Variants in PRLR observed in about 807,000 individuals in gnomAD.
PRLR encodes prolactin receptor, also known as hPRL receptor.
PRLR carries 13 observed loss-of-function variants against 40.2 expected under a neutral mutation model. The ratio of observed to expected loss-of-function variants is 0.32; its 90% CI spans 0.21 to 0.51. The LOEUF (loss-of-function observed/expected upper bound fraction) is 0.51, where lower values mean the gene tolerates loss of function less well. PRLR is among the 20% of genes least tolerant of loss of function. The pLI is 0.97. For synonymous variants in PRLR, 269 were observed against 278.7 expected, an observed-to-expected ratio of 0.97 and a Z score of 0.35; for missense variants, 656 against 747.3, an observed-to-expected ratio of 0.88 and a Z score of 1.42.
intron 8 of PRLR, chr5:35,049,551 A>G: frequency 1.7e-6 from 1 of 597,066 alleles, no homozygotes; most frequent in South Asian, 2.1e-5. Context: ...ACTCAAGCCT[A>G]GAATTGCATA....
At chr5:35,215,952 C>A (rs1454039157) in intron 1 of PRLR, among the ~76,000 whole-genome samples, 1 of 150,234 alleles carries the variant, frequency 6.7e-6, no homozygotes, top group Admixed American at 6.7e-5. Flanking sequence ...GCAAGAGAAT[C>A]GCTTGAACGC....
At chr5:35,052,287 T>C (rs1334152599), downstream of PRLR, among the ~76,000 whole-genome samples, 1 of 152,192 alleles carries the variant, frequency 6.6e-6, no homozygotes, top group Non-Finnish European at 1.5e-5. Context: ...AACCTTAAAA[T>C]ATACTCTCTA....
intron 5 of PRLR, among the ~76,000 whole-genome samples, chr5:35,075,367 CA>C (rs1349999094): frequency 6.6e-6 from 1 of 152,220 alleles, no homozygotes; most frequent in African/African-American, 2.4e-5. Context: ...ACAGTCTTAG[CA>C]AATGGCATAC....
chr5:35,084,399 C>A, intron 5 of PRLR, 71 bp downstream of exon 5: 1 of 1,411,582 alleles, frequency 7.1e-7, no homozygotes, highest in Non-Finnish European at 9.4e-7. Context: ...CAAGAAGACT[C>A]AAACTGAGTG....
At chr5:35,222,875 A>G (rs773100708) in intron 1 of PRLR, among the ~76,000 whole-genome samples, 12 of 152,234 alleles carry the variant, frequency 7.9e-5, no homozygotes, top group Non-Finnish European at 1.8e-4. Flanking sequence ...AGGTGAGGGA[A>G]GATTGCAGAT....
chr5:35,164,737 G>A (rs1774771546), intron 1 of PRLR, among the ~76,000 whole-genome samples: 2 of 151,904 alleles, frequency 1.3e-5, no homozygotes, highest in South Asian at 4.2e-4. Flanking sequence ...AGAGACAATG[G>A]AAAAAAAATA....
chr5:35,164,276 C>T lies in PRLR; in HGVS notation c.-105-46154G>A, dbSNP rs550710562. 2.0e-4 allele frequency among the ~76,000 whole-genome samples: 30 copies of T among 152,190 alleles called. No individual in the cohort carries two copies. In the East Asian group the frequency reaches 5.6e-3, roughly 28 times the overall value. On this transcript the variant is annotated intron_variant, in intron 1 of 9. Transcript: ENST00000618457. The stretch of plus-strand genomic sequence containing the variant: ...CTTACAATCTAGTGGAGGACACAGG[C>T]AAGAAACAAGTAAACCTGATGACAA...
At chr5:35,137,699 G>C (rs1773901314) in intron 1 of PRLR, among the ~76,000 whole-genome samples, 1 of 152,226 alleles carries the variant, frequency 6.6e-6, no homozygotes, top group Non-Finnish European at 1.5e-5. Context: ...AAGAGATATG[G>C]AAATGACACT....
At chr5:35,085,191 G>T (rs897728736) in intron 4 of PRLR, among the ~76,000 whole-genome samples, 1 of 152,182 alleles carries the variant, frequency 6.6e-6, no homozygotes, top group Non-Finnish European at 1.5e-5. Flanking sequence ...AGCCCACGTG[G>T]CTCAGTAGGC....
At chr5:35,204,214 C>T (rs1340780396) in intron 1 of PRLR, among the ~76,000 whole-genome samples, 1 of 114,100 alleles carries the variant, frequency 8.8e-6, no homozygotes, top group African/African-American at 3.4e-5. Context: ...ATTTCTGTCT[C>T]AAAAAAAAAA....
Position 35,067,273 on chromosome 5 carries a change from G to C in PRLR, c.855+943C>G, listed in dbSNP as rs573392794. ...ATTAAGAATACTAACACATATTTTT[G>C]AGACAAAAGTAGCTATTTTATCGTT... is the stretch of plus-strand genomic sequence containing the variant. On this transcript the variant is annotated intron_variant, in intron 9 of 9. Coordinates refer to ENST00000618457, the MANE Select transcript of PRLR (RefSeq NM_000949.7). Among the ~76,000 whole-genome samples, 134 of 152,244 alleles carry C rather than the reference G, an allele frequency of 8.8e-4. No individual in the cohort carries two copies. The South Asian group carries it at 9.8e-3, about 11-fold the overall frequency.
intron 1 of PRLR, among the ~76,000 whole-genome samples, chr5:35,201,329 C>T (rs1242560674): frequency 6.6e-6 from 1 of 152,046 alleles, no homozygotes; most frequent in Non-Finnish European, 1.5e-5. Context: ...ATTTGCAAAA[C>T]CACAACATTC....
intron 1 of PRLR, among the ~76,000 whole-genome samples, chr5:35,222,450 G>T (rs1213613680): frequency 6.6e-6 from 1 of 152,172 alleles, no homozygotes; most frequent in African/African-American, 2.4e-5. Flanking sequence ...AGGAGCAGTG[G>T]AATAGCAACC....
intron 1 of PRLR, among the ~76,000 whole-genome samples, chr5:35,143,362 T>C (rs776740798): frequency 6.6e-6 from 1 of 152,248 alleles, no homozygotes; most frequent in Non-Finnish European, 1.5e-5. Flanking sequence ...AAATCTGTAA[T>C]TTAGATAAAT....
Position 35,200,538 on chromosome 5 carries a change from A to G in PRLR, c.-106+29730T>C, listed in dbSNP as rs367788174. Among the ~76,000 whole-genome samples, 6 of 152,322 alleles carry G rather than the reference A, an allele frequency of 3.9e-5. No homozygotes were observed. In the East Asian group the frequency reaches 5.8e-4, roughly 15 times the overall value. On this transcript the variant is annotated intron_variant, in intron 1 of 9. Coordinates refer to ENST00000618457, the MANE Select transcript of PRLR (RefSeq NM_000949.7). ...AATGTGAAACTGCAACGAAATAGAG[A>G]TACTTTCATGGATATACTCCCCAAG...
At chr5:35,158,756 C>G (rs764395718) in intron 1 of PRLR, among the ~76,000 whole-genome samples, 4 of 151,998 alleles carry the variant, frequency 2.6e-5, no homozygotes, top group Non-Finnish European at 4.4e-5. Context: ...CTTCTGGGAC[C>G]GTGAGCTGCA....
chr5:35,115,670 T>C (rs184903566), intron 2 of PRLR, among the ~76,000 whole-genome samples: 2 of 151,182 alleles, frequency 1.3e-5, no homozygotes, highest in Admixed American at 1.3e-4. Flanking sequence ...GCCTGAAGGA[T>C]GCCAGGGCTC....
chr5:35,188,126 C>CGTCAGGAACTTGCTAGGAAGAAACTA (rs1164827873), intron 1 of PRLR, among the ~76,000 whole-genome samples: 10 of 152,262 alleles, frequency 6.6e-5, no homozygotes, highest in African/African-American at 2.2e-4. Flanking sequence ...CACCCAGCTC[C>CGTCAGGAACTTGCTAGGAAGAAACTA]GTCAGGAACT....
intron 1 of PRLR, among the ~76,000 whole-genome samples, chr5:35,156,504 T>C (rs1774511686): frequency 6.6e-6 from 1 of 152,206 alleles, no homozygotes; most frequent in South Asian, 2.1e-4. Flanking sequence ...TACAAGACTC[T>C]CCAGGATCTG....
Sources: allele counts gnomAD v4.1 joint callset (sites outside exome capture counted in the v4.1 genomes callset), GRCh38; gene constraint gnomAD v4.1.1; transcripts MANE v1.5; gene names NCBI Gene and HGNC (gene_info 2026-07-23, HGNC 2026-07-21).